The following PI4KA variants were observed in gnomAD, a reference collection of about 807,000 sequenced individuals.
PI4KA encodes phosphatidylinositol 4-kinase alpha.
Under a neutral mutation model 271.4 loss-of-function variants are expected in PI4KA, and 122 were observed. The observed-to-expected ratio is 0.45, with a 90% CI of 0.39 to 0.52. The LOEUF is 0.52. Ranked by LOEUF, PI4KA falls within the 20% of genes least tolerant of loss-of-function variation. The pLI, the probability that PI4KA is intolerant of heterozygous loss-of-function variation, is 0.00. For missense variants in PI4KA, 1,969 were observed against 2,769.1 expected (o/e 0.71, Z 6.48); for synonymous variants, 1,041 against 1,078.8 (o/e 0.96, Z 0.69).
intron 36 of PI4KA, 50 bp from the exon 37 acceptor site, chr22:20,730,061 G>A (rs1324397748): frequency 1.3e-6 from 2 of 1,598,626 alleles, no homozygotes; most frequent in Admixed American, 1.7e-5. Context: ...TCAAGAAAAG[G>A]TACCACAAAA....
intron 41 of PI4KA, 108 bp from the exon 42 acceptor site, chr22:20,726,649 C>G: frequency 1.0e-6 from 1 of 973,774 alleles, no homozygotes; most frequent in South Asian, 1.7e-5. Flanking sequence ...GGGCTGAGAA[C>G]TGGGGAAAGC....
intron 1 of PI4KA, among the ~76,000 whole-genome samples, chr22:20,841,933 T>C (rs976081939): frequency 4.6e-5 from 7 of 152,086 alleles, no homozygotes; most frequent in African/African-American, 7.2e-5. Flanking sequence ...TTGGAAATGA[T>C]GGCTGGGTGC....
intron 52 of PI4KA, 42 bp from the exon 53 acceptor site, chr22:20,710,039 A>G: frequency 1.6e-6 from 2 of 1,260,304 alleles, no homozygotes; most frequent in Non-Finnish European, 2.3e-6. Context: ...AGGCCAGCCT[A>G]GGTGGTGGCC....
chr22:20,714,439 A>C lies in PI4KA; in HGVS notation c.5461+19T>G. The C allele has an allele frequency of 6.3e-7, 1 of 1,598,294 alleles. No homozygotes were observed. The highest frequency in any genetic ancestry group is 8.5e-7 in the Non-Finnish European group (1 of 1,170,952). On this transcript the variant is annotated intron_variant, in intron 47 of 54. Transcript: ENST00000255882. Reference sequence around the variant, plus strand: ...GAAAAGCACTGAGCTCCCAAACAAAATCAGGGTTCTTTACTGACCTTCTTT... The same window carrying C: ...GAAAAGCACTGAGCTCCCAAACAAACTCAGGGTTCTTTACTGACCTTCTTT...
chr22:20,709,441 G>A, intron 53 of PI4KA, 62 bp from the exon 54 acceptor site: 2 of 781,694 alleles, frequency 2.6e-6, no homozygotes, highest in Admixed American at 2.1e-5. Context: ...CTGGCCCAGT[G>A]GGAGGAGGGT....
chr22:20,765,099 C>T lies in PI4KA; in HGVS notation c.2574+1G>A. ...GGTAAAAATGAGATGTGAATCCTTA[C>T]GGGGGTGACCGTGTCATTCTTCATG... is the stretch of plus-strand genomic sequence containing the variant. On this transcript the variant is annotated splice_donor_variant, in intron 21 of 54. Coordinates refer to ENST00000255882, the MANE Select transcript of PI4KA (RefSeq NM_058004.4). LOFTEE classifies it high-confidence loss of function. 1.2e-6 allele frequency: 2 copies of T among 1,611,226 alleles called. No individual in the cohort carries two copies. The highest frequency in any genetic ancestry group is 1.7e-6 in the Non-Finnish European group (2 of 1,178,352).
chr22:20,729,029 G>A (rs183497683), intron 39 of PI4KA, among the ~76,000 whole-genome samples: 35 of 152,262 alleles, frequency 2.3e-4, no homozygotes, highest in African/African-American at 7.2e-4. Flanking sequence ...CTTCCTATCC[G>A]GCAGGAATCA....
intron 17 of PI4KA, among the ~76,000 whole-genome samples, chr22:20,797,952 C>G (rs768599093): frequency 3.3e-5 from 5 of 152,142 alleles, no homozygotes; most frequent in African/African-American, 7.2e-5. Flanking sequence ...TGAACATGTC[C>G]CTGTCCTCAA....
At chr22:20,715,538 G>A (rs1213514785) in intron 45 of PI4KA, among the ~76,000 whole-genome samples, 26 of 148,228 alleles carry the variant, frequency 1.8e-4, no homozygotes, top group African/African-American at 6.2e-4. Context: ...GCAGTGGCTC[G>A]GTCTCAGCTC....
At chr22:20,793,116 A>C in intron 19 of PI4KA, 77 bp downstream of exon 19, 1 of 883,438 alleles carries the variant, frequency 1.1e-6, no homozygotes, top group Non-Finnish European at 1.9e-6. Context: ...TAAGGAATTT[A>C]CTGTGCGTCA....
rs1465373309 is a variant in PI4KA, at chr22:20,714,695, A to G, written c.5323T>C (p.Tyr1775His). The G allele has an allele frequency of 1.9e-6, 3 of 1,613,756 alleles. No homozygotes were observed. The highest frequency in any genetic ancestry group is 2.5e-6 in the Non-Finnish European group (3 of 1,179,838). ...ATGGCCTCAGGGTTGCTGGGCAGGT[A>G]GCAGCCTGTGCAGGGACAGAGGCAG... ...LSEVKVQPGC[Y>H]LPSNPEAIVL... Residue 1775 changes from tyrosine (Y) to histidine (H), a missense_variant, in exon 46 of 55, where the codon TAC becomes CAC. This residue lies in a region of PI4KA where 388 missense variants were observed against 521.5 expected (regional missense o/e 0.74). Coordinates refer to ENST00000255882, the MANE Select transcript of PI4KA (RefSeq NM_058004.4).
chr22:20,821,780 G>A (rs1235092714), intron 4 of PI4KA, among the ~76,000 whole-genome samples: 1 of 151,770 alleles, frequency 6.6e-6, no homozygotes, highest in East Asian at 2.0e-4. Context: ...TAGTAGAGAC[G>A]GGGTTTCTCC....
At chr22:20,830,506 T>C (rs1924017494) in intron 3 of PI4KA, among the ~76,000 whole-genome samples, 1 of 152,230 alleles carries the variant, frequency 6.6e-6, no homozygotes, top group African/African-American at 2.4e-5. Flanking sequence ...GGCAGATTTT[T>C]TTCATCCTTT....
At chr22:20,820,932 T>C (rs990388099) in intron 4 of PI4KA, among the ~76,000 whole-genome samples, 3 of 152,230 alleles carry the variant, frequency 2.0e-5, no homozygotes, top group African/African-American at 7.2e-5. Context: ...AAATCTTCTC[T>C]TTTCATGGGT....
At position 20,721,299 on chromosome 22, in the gene PI4KA, G is replaced by C. The variant is rs754163249; in HGVS notation, c.5115C>G (p.Asp1705Glu). 1 of 1,613,876 alleles carries C rather than the reference G, an allele frequency of 6.2e-7. No individual in the cohort carries two copies. The stretch of plus-strand genomic sequence containing the variant: ...CCTGTGGGAGGACAAAATACTCACG[G>C]TCTTTCTGGTGGCCCTCTTCATCTA... ...IYLDEEGHQK[D>E]PDIGDLLDQL... The change falls in exon 43 of 55, where the codon GAC becomes GAG. Residue 1705 changes from aspartate to glutamate, a missense_variant and splice_region_variant. Asp to Glu is a conservative substitution (Grantham distance 45). Coordinates refer to ENST00000255882, the MANE Select transcript of PI4KA (RefSeq NM_058004.4).
At position 20,786,098 on chromosome 22, in the gene PI4KA, A is replaced by C. The variant is rs1208622947; in HGVS notation, c.2328+7095T>G. 4 of 1,614,046 alleles carry C rather than the reference A, an allele frequency of 2.5e-6. No homozygotes were observed. The highest frequency in any genetic ancestry group is 1.3e-5 in the African/African-American group (1 of 74,910). On this transcript the variant is annotated intron_variant, in intron 19 of 54. Transcript: ENST00000255882. ...GATGGGGATCAGGATGCTGTTTGAC[A>C]AAAATGGCAACATGGCAGGCATCTC...
chr22:20,727,972 C>A, intron 39 of PI4KA, 108 bp from the exon 40 acceptor site: 1 of 694,748 alleles, frequency 1.4e-6, no homozygotes. Context: ...TGGAGGGATT[C>A]ACATCAATAC....
At chr22:20,721,258 A>T (rs1242301031) in intron 43 of PI4KA, 40 bp downstream of exon 43, 1 of 1,611,488 alleles carries the variant, frequency 6.2e-7, no homozygotes, top group Non-Finnish European at 8.5e-7. Flanking sequence ...CAGTGCACTG[A>T]AGACAGTAAG....
intron 2 of PI4KA, 148 bp downstream of exon 2, chr22:20,838,467 C>A: frequency 1.9e-6 from 1 of 520,774 alleles, no homozygotes. Context: ...TCATTCCCAC[C>A]TTGTCCTACC....
Sources: gnomAD v4.1 joint callset for allele counts (sites outside exome capture counted in the v4.1 genomes callset) on GRCh38, gnomAD v4.1.1 for gene constraint, gnomAD v4.1.1 regional missense constraint, MANE v1.5 for transcripts, NCBI Gene and HGNC (gene_info 2026-07-23, HGNC 2026-07-21) for gene names.